Variants in KPTN observed in about 807,000 individuals in gnomAD.
The protein encoded by KPTN is KICSTOR complex protein kaptin.
Under a neutral mutation model 52.6 loss-of-function variants are expected in KPTN, and 36 were observed. The ratio of observed to expected loss-of-function variants is 0.68; its 90% CI spans 0.52 to 0.90. The LOEUF (loss-of-function observed/expected upper bound fraction) is 0.90, where lower values mean the gene tolerates loss of function less well. KPTN is among the 40% of genes least tolerant of loss of function. KPTN has a pLI of 0.00. For missense variants in KPTN, 529 were observed against 576.2 expected (o/e 0.92, Z 0.84); for synonymous variants, 271 against 248.4 (o/e 1.09, Z -0.85).
chr19:47,483,357 G>A lies in KPTN; in HGVS notation c.332C>T (p.Pro111Leu), dbSNP rs766191198. 1 of 1,613,890 alleles carries A rather than the reference G, an allele frequency of 6.2e-7. No homozygotes were observed. The highest frequency in any genetic ancestry group is 8.5e-7 in the Non-Finnish European group (1 of 1,180,030). The change falls in exon 3 of 12, where the codon CCC becomes CTC. Residue 111 changes from proline to leucine, a missense_variant. Pro to Leu is a moderately conservative substitution (Grantham distance 98, BLOSUM62 -3). Coordinates refer to ENST00000338134, the MANE Select transcript of KPTN (RefSeq NM_007059.4). ...FIKDSGDKGS[P>L]FLNIYCDYEP... Reference sequence around the variant, plus strand: ...GTAGTCGCAGTAAATGTTCAGGAAGGGGCTGCCCTTGTCCCCTGAATCCTG... The same window carrying A: ...GTAGTCGCAGTAAATGTTCAGGAAGAGGCTGCCCTTGTCCCCTGAATCCTG...
rs1211198775 is a variant in KPTN, at chr19:47,480,971, T to A, written c.512A>T (p.His171Leu). The A allele has an allele frequency of 6.2e-7, 1 of 1,607,000 alleles. No homozygotes were observed. Among genetic ancestry groups the A allele is most frequent in the African/African-American group, 1.3e-5 (1 of 74,850 alleles). Residue 171 changes from histidine to leucine, a missense_variant, in exon 5 of 12, where the codon CAT becomes CTT. Coordinates refer to ENST00000338134, the MANE Select transcript of KPTN (RefSeq NM_007059.4). Reference protein sequence around the residue: ...FLLSGNDPAIHLYKENEGLHQ... With the variant: ...FLLSGNDPAILLYKENEGLHQ... ...GCCCCACCTCACCTCCTTGTAGAGA[T>A]GAATGGCCGGGTCGTTCCCACTCAA...
upstream of KPTN, among the ~76,000 whole-genome samples, chr19:47,484,998 C>T (rs1285418168): frequency 6.6e-6 from 1 of 152,158 alleles, no homozygotes; most frequent in Non-Finnish European, 1.5e-5. Flanking sequence ...CCTTGCCCGG[C>T]CTATAGTTCA....
In KPTN at chr19:47,483,235, A is replaced by G; in HGVS notation, c.395-20T>C. ...AGCTCTCTGTAGGCAGGGCACAGGC[A>G]GGTTAGCATGGGGGACCTGCTGGGG... is the stretch of plus-strand genomic sequence containing the variant. On this transcript the variant is annotated intron_variant, in intron 3 of 11. Transcript: ENST00000338134. The G allele has an allele frequency of 6.2e-7, 1 of 1,613,956 alleles. No homozygotes were observed. The highest frequency in any genetic ancestry group is 8.5e-7 in the Non-Finnish European group (1 of 1,179,918).
Position 47,476,637 on chromosome 19 carries a change from C to T in KPTN, c.1077G>A (p.Gln359=). The T allele has an allele frequency of 1.9e-6, 3 of 1,613,028 alleles. No homozygotes were observed. The highest frequency in any genetic ancestry group is 1.1e-5 in the South Asian group (1 of 90,940). The change falls in exon 11 of 12, where the codon CAG becomes CAA. Residue 359 remains glutamine, a synonymous_variant. Coordinates refer to ENST00000338134, the MANE Select transcript of KPTN (RefSeq NM_007059.4). The part of the protein sequence containing the change: ...EAQHGFHLLW[Q]RSFSSPLLAM... The stretch of plus-strand genomic sequence containing the variant: ...CCAGCAGGGGACTGGAGAAGCTCCG[C>T]TGCCACAGCAGATGGAACCCGTGCT...
At chr19:47,477,910 A>C in intron 8 of KPTN, 129 bp from the exon 9 acceptor site, 6 of 576,652 alleles carry the variant, frequency 1.0e-5, no homozygotes, top group Admixed American at 2.3e-5. Context: ...AAACACAAAA[A>C]TTAGCCGGGC....
chr19:47,477,513 C>T (rs999575682), intron 9 of KPTN, among the ~76,000 whole-genome samples, 193 bp downstream of exon 9: 4 of 151,844 alleles, frequency 2.6e-5, no homozygotes, highest in Admixed American at 2.0e-4. Context: ...CTGCTCCCAC[C>T]CCCCAGCCTC....
In KPTN at chr19:47,476,875, G is replaced by A. The variant is rs759768727; in HGVS notation, c.927C>T (p.Ser309=). ...LLLPGSDQFD[S]VLCSLVTDVD... is the part of the protein sequence containing the mutation. ...CATCGGTGACCAGGCTGCAGAGGACGCTGTCAAACTGGTCACTGCCGGGCA... is the reference window on the plus strand; with the variant it reads ...CATCGGTGACCAGGCTGCAGAGGACACTGTCAAACTGGTCACTGCCGGGCA... The change falls in exon 10 of 12, where the codon AGC becomes AGT. Residue 309 remains serine (S), a synonymous_variant. Transcript: ENST00000338134. 6.4e-6 allele frequency: 10 copies of A among 1,567,764 alleles called. No homozygotes were observed. Among genetic ancestry groups the A allele is most frequent in the Admixed American group, 1.9e-5 (1 of 52,882 alleles).
chr19:47,476,821 C>G lies in KPTN; in HGVS notation c.981G>C (p.Leu327=). Residue 327 remains leucine, a synonymous_variant, in exon 10 of 12, where the codon CTG becomes CTC. Coordinates refer to ENST00000338134, the MANE Select transcript of KPTN (RefSeq NM_007059.4). ...GTCCCACCTGTCCATAGGTGGCCAC[C>G]AGGACTTCTGGCCGCCCATCCAAAT... ...DVDLDGRPEV[L]VATYGQELLC... 1 of 1,586,444 alleles carries G rather than the reference C, an allele frequency of 6.3e-7. No homozygotes were observed. The highest frequency in any genetic ancestry group is 8.6e-7 in the Non-Finnish European group (1 of 1,166,256).
chr19:47,485,446 G>A (rs190464013), upstream of KPTN, among the ~76,000 whole-genome samples: 1 of 152,244 alleles, frequency 6.6e-6, no homozygotes, highest in Admixed American at 6.5e-5. Flanking sequence ...TCCCTAGAAG[G>A]CCATGGAGGT....
chr19:47,480,888 C>T (rs539888032), intron 5 of KPTN, 55 bp from the exon 6 acceptor site: 17 of 1,611,830 alleles, frequency 1.1e-5, no homozygotes, highest in Admixed American at 1.7e-5. Context: ...CAGCTTCACA[C>T]ATATACCCAC....
At chr19:47,480,668 C>T in intron 6 of KPTN, 92 bp downstream of exon 6, 1 of 1,193,886 alleles carries the variant, frequency 8.4e-7, no homozygotes. Flanking sequence ...CTGAGCTCCT[C>T]CCCGGTGACC....
upstream of KPTN, chr19:47,484,403 C>T (rs1188104570): frequency 1.8e-6 from 1 of 570,440 alleles, no homozygotes; most frequent in Non-Finnish European, 3.1e-6. Flanking sequence ...AAGGGGCTGC[C>T]ATAAGGAGTC....
chr19:47,475,629 A>G (rs1967638589), intron 11 of KPTN, 85 bp from the exon 12 acceptor site: 1 of 1,531,984 alleles, frequency 6.5e-7, no homozygotes, highest in Non-Finnish European at 8.9e-7. Context: ...AAGCAACTCC[A>G]AAGGCCAGGA....
At chr19:47,475,821 C>T (rs557193693) in intron 11 of KPTN, among the ~76,000 whole-genome samples, 128 of 152,072 alleles carry the variant, frequency 8.4e-4, no homozygotes, top group Non-Finnish European at 1.3e-3. Flanking sequence ...TTTAGCCAAG[C>T]TTGGTGGCAG....
intron 8 of KPTN, among the ~76,000 whole-genome samples, chr19:47,479,136 G>A (rs563107643): frequency 7.7e-4 from 117 of 152,272 alleles, no homozygotes; most frequent in African/African-American, 2.7e-3. Context: ...TCCACATCCT[G>A]GGTTCAATCG....
chr19:47,475,538 G>C lies in KPTN; in HGVS notation c.1189C>G (p.Leu397Val). 6.2e-7 allele frequency: 1 copy of C among 1,612,674 alleles called. No homozygotes were observed. Among genetic ancestry groups the C allele is most frequent in the Non-Finnish European group, 8.5e-7 (1 of 1,178,926 alleles). Residue 397 changes from leucine to valine, a missense_variant, in exon 12 of 12, where the codon CTG becomes GTG. Coordinates refer to ENST00000338134, the MANE Select transcript of KPTN (RefSeq NM_007059.4). Reference sequence around the variant, plus strand: ...AAGACCAGCTCTGAGGCCTGAATCAGGCTGTGCTGTGGGGAACAAGAGAAT... The same window carrying C: ...AAGACCAGCTCTGAGGCCTGAATCACGCTGTGCTGTGGGGAACAAGAGAAT... ...LKGVHILQHS[L>V]IQASELVLTR...
chr19:47,483,951 C>T lies in KPTN; in HGVS notation c.210G>A (p.Gln70=). 2 of 1,613,692 alleles carry T rather than the reference C, an allele frequency of 1.2e-6. No individual in the cohort carries two copies. Among genetic ancestry groups the T allele is most frequent in the Non-Finnish European group, 1.7e-6 (2 of 1,179,962 alleles). Residue 70 remains glutamine, a synonymous_variant, in exon 1 of 12, where the codon CAG becomes CAA. Coordinates refer to ENST00000338134, the MANE Select transcript of KPTN (RefSeq NM_007059.4). The part of the protein sequence containing the change: ...QKIRPVAKEL[Q]FNYIPVDAEI... ...GCCACCCACCGGGAATGTAGTTGAA[C>T]TGCAGCTCCTTGGCCACTGGCCGGA...
chr19:47,480,016 G>A (rs1037874510), intron 7 of KPTN, 76 bp from the exon 8 acceptor site: 8 of 1,074,316 alleles, frequency 7.4e-6, no homozygotes, highest in African/African-American at 7.4e-5. Context: ...TCGACTTTCC[G>A]CCCCCACCGT....
At chr19:47,475,591 T>C (rs1446617714) in intron 11 of KPTN, 47 bp from the exon 12 acceptor site, 1 of 1,601,728 alleles carries the variant, frequency 6.2e-7, no homozygotes, top group Non-Finnish European at 8.5e-7. Context: ...GGAAGAGCTG[T>C]GGGACCACAG....
Sources: allele counts gnomAD v4.1 joint callset (sites outside exome capture counted in the v4.1 genomes callset), GRCh38; gene constraint gnomAD v4.1.1; transcripts MANE v1.5; gene names NCBI Gene and HGNC (gene_info 2026-07-23, HGNC 2026-07-21).